CFAP74: variants seen among roughly 807,000 people sequenced by gnomAD.
CFAP74 encodes the protein cilia and flagella associated protein 74, also known as cilia- and flagella-associated protein 74.
Under a neutral mutation model 188.9 loss-of-function variants are expected in CFAP74, and 124 were observed. That is an observed-to-expected ratio of 0.66 (90% CI 0.57 to 0.76). The LOEUF is 0.76. CFAP74 is among the 30% of genes least tolerant of loss of function. CFAP74 has a pLI of 0.00. For missense variants in CFAP74, 2,198 were observed against 2,165.2 expected (o/e 1.02, Z -0.30); for synonymous variants, 956 against 916.7 (o/e 1.04, Z -0.77).
Position 1,923,055 on chromosome 1 carries a change from GT to G in CFAP74, c.4612del (p.Thr1538ArgfsTer30). ...TLDYIQFDTD[T>X]PAPPATRELQ... ...CTCTCGGGTGGCAGGTGGGGCTGGCGTGTCTGTGTCAAACTGGATGTAGTCC... is the reference window on the plus strand; with the variant it reads ...CTCTCGGGTGGCAGGTGGGGCTGGCGGTCTGTGTCAAACTGGATGTAGTCC... On this transcript the variant is annotated frameshift_variant, in exon 37 of 39. Coordinates refer to ENST00000682832, the MANE Select transcript of CFAP74 (RefSeq NM_001304360.2). LOFTEE classifies it high-confidence loss of function. This position sits in a 1 kb window ranked among gnomAD's most constrained non-coding sequence, Gnocchi z 6.3. 6.2e-7 allele frequency: 1 copy of G among 1,608,662 alleles called. No individual in the cohort carries two copies. The highest frequency in any genetic ancestry group is 8.5e-7 in the Non-Finnish European group (1 of 1,178,826).
Position 1,968,529 on chromosome 1 carries a change from A to T in CFAP74, c.1245+106T>A. The stretch of plus-strand genomic sequence containing the variant: ...GCTCAGCAACCCCCTGCAGGTGGCC[A>T]TGGTGCTGAGGTCCTCAGAGGATGT... On this transcript the variant is annotated intron_variant, in intron 11 of 38. Transcript: ENST00000682832. The surrounding 1 kb of genome is among the most constrained non-coding windows in gnomAD (Gnocchi z 4.3). 2 of 943,488 alleles carry T rather than the reference A, an allele frequency of 2.1e-6. No homozygotes were observed. Among genetic ancestry groups the T allele is most frequent in the South Asian group, 1.6e-5 (1 of 63,974 alleles). The allele number at this position is 943,488 out of a possible 1,614,324, so 58.4% of individuals were successfully genotyped here. A position where few individuals can be genotyped will look rare whatever the true frequency, so the allele number is the denominator to read the frequency against.
chr1:1,976,506 C>T (rs1205814479), intron 6 of CFAP74, among the ~76,000 whole-genome samples: 1 of 152,086 alleles, frequency 6.6e-6, no homozygotes, highest in Admixed American at 6.5e-5. Flanking sequence ...GTTCCCTGTA[C>T]AGCCTGCAGA....
At position 1,922,644 on chromosome 1, in the gene CFAP74, T is replaced by A. The variant is rs1651474368; in HGVS notation, c.4763A>T (p.Glu1588Val). The change falls in exon 38 of 39, where the codon GAG (glutamate) becomes GTG (valine). Residue 1588 changes from glutamate to valine, a missense_variant. By Grantham distance (121) the Glu-to-Val change is moderately radical. Transcript: ENST00000682832. ...GCTGATGGTCTTCGTCTGGCCGCGC[T>A]CCACGGAGCCCCTGGAGGGCTCAAT... ...FSIEPSRGSV[E>V]RGQTKTISIS... 2.5e-6 allele frequency: 4 copies of A among 1,604,266 alleles called. No individual in the cohort carries two copies. The highest frequency in any genetic ancestry group is 3.4e-6 in the Non-Finnish European group (4 of 1,174,890).
intron 5 of CFAP74, among the ~76,000 whole-genome samples, chr1:1,986,029 G>A (rs1300815370): frequency 6.6e-6 from 1 of 152,230 alleles, no homozygotes; most frequent in Non-Finnish European, 1.5e-5. Flanking sequence ...TTGAGCAGCT[G>A]GCCGGGTATG....
chr1:1,936,767 G>C (rs531029910), intron 25 of CFAP74, among the ~76,000 whole-genome samples: 94 of 152,048 alleles, frequency 6.2e-4, no homozygotes, highest in African/African-American at 2.2e-3. Context: ...AGCCAGGCAT[G>C]GTGGCGTGTT....
chr1:1,938,888 CTG>C lies in CFAP74; in HGVS notation c.2976_2977del (p.His992GlnfsTer9). On this transcript the variant is annotated frameshift_variant, in exon 25 of 39. Coordinates refer to ENST00000682832, the MANE Select transcript of CFAP74 (RefSeq NM_001304360.2). LOFTEE classifies it high-confidence loss of function. ...CTCAGACTTGCAGGTCAGTTGGAAT[CTG>C]TGTTCCTCGGCCTTGGTGGGCTGGA... 6.5e-7 allele frequency: 1 copy of C among 1,536,184 alleles called. No individual in the cohort carries two copies. The highest frequency in any genetic ancestry group is 1.7e-4 in the Middle Eastern group (1 of 5,990).
chr1:1,955,291 C>T (rs1472191669), intron 18 of CFAP74: 1 of 1,296,462 alleles, frequency 7.7e-7, no homozygotes, highest in Non-Finnish European at 1.0e-6. Context: ...AGGGCAGGGC[C>T]CGCCCGTTTC....
chr1:1,993,429 G>A (rs967893656), intron 1 of CFAP74, among the ~76,000 whole-genome samples: 1 of 151,434 alleles, frequency 6.6e-6, no homozygotes, highest in Non-Finnish European at 1.5e-5. Context: ...GGGACTACAG[G>A]CACGCACCAC....
chr1:1,987,208 C>T (rs1345878937), intron 4 of CFAP74, among the ~76,000 whole-genome samples, 173 bp from the exon 5 acceptor site: 1 of 152,240 alleles, frequency 6.6e-6, no homozygotes, highest in Non-Finnish European at 1.5e-5. Context: ...GTCTTGTCGT[C>T]CATTTTTGGA....
intron 20 of CFAP74, among the ~76,000 whole-genome samples, chr1:1,945,841 A>C (rs1653717121): frequency 7.6e-6 from 1 of 132,312 alleles, no homozygotes. Context: ...AAAAAAAAAA[A>C]AAAAGAACAA....
At chr1:1,933,313 G>T (rs889027825) in intron 25 of CFAP74, among the ~76,000 whole-genome samples, 2 of 151,782 alleles carry the variant, frequency 1.3e-5, no homozygotes, top group East Asian at 1.9e-4. Flanking sequence ...GAGAGTAGCT[G>T]GGATTACAGG....
chr1:1,981,391 C>G (rs1656834410), intron 6 of CFAP74, among the ~76,000 whole-genome samples: 1 of 151,380 alleles, frequency 6.6e-6, no homozygotes, highest in Non-Finnish European at 1.5e-5. Context: ...CGGGGGCTGG[C>G]ACAGCCAGCC....
In CFAP74 at chr1:1,991,945, C is replaced by T. The variant is rs191817059; in HGVS notation, c.-19-970G>A. Among the ~76,000 whole-genome samples the T allele has an allele frequency of 2.6e-5, 4 of 151,188 alleles. No homozygotes were observed. In the South Asian group the frequency reaches 6.2e-4, roughly 24 times the overall value. On this transcript the variant is annotated intron_variant, in intron 1 of 38. Transcript: ENST00000682832. Reference sequence around the variant, plus strand: ...GTCCCAGCTACTCGGGAGGCTGAGGCAGGAGAATGGTGTGAACCCAGGAGG... The same window carrying T: ...GTCCCAGCTACTCGGGAGGCTGAGGTAGGAGAATGGTGTGAACCCAGGAGG...
chr1:1,955,785 C>T lies in CFAP74; in HGVS notation c.2082G>A (p.Gln694=), dbSNP rs937887162. The T allele has an allele frequency of 6.2e-7, 1 of 1,614,148 alleles. No homozygotes were observed. Among genetic ancestry groups the T allele is most frequent in the Non-Finnish European group, 8.5e-7 (1 of 1,180,060 alleles). ...GGGAGGACTCCGTGCCCTCTAGCTG[C>T]TGCTCAGAGAAGCTGGTGGCGGCTT... is the stretch of plus-strand genomic sequence containing the variant. The part of the protein sequence containing the change: ...YDKAATSFSE[Q]QLEGTESSQA... Residue 694 remains glutamine (Q), a synonymous_variant, in exon 18 of 39, where the codon CAG becomes CAA. Coordinates refer to ENST00000682832, the MANE Select transcript of CFAP74 (RefSeq NM_001304360.2).
chr1:1,926,132 C>T, intron 32 of CFAP74, 96 bp downstream of exon 32: 5 of 1,443,522 alleles, frequency 3.5e-6, no homozygotes, highest in South Asian at 1.5e-5. Context: ...TAGTCCCAGG[C>T]CTGAGCACAG....
chr1:1,960,267 T>A (rs574714132), intron 14 of CFAP74, among the ~76,000 whole-genome samples: 1 of 152,248 alleles, frequency 6.6e-6, no homozygotes, highest in Non-Finnish European at 1.5e-5. Context: ...AGTGAGGGAG[T>A]TAATCACTGA....
intron 25 of CFAP74, among the ~76,000 whole-genome samples, chr1:1,938,182 A>T (rs12749959): frequency 3.3e-4 from 47 of 143,334 alleles, no homozygotes; most frequent in African/African-American, 1.1e-3. Context: ...CCCACATACA[A>T]GCACTCACAT....
chr1:1,963,672 G>A lies in CFAP74; in HGVS notation c.1694+77C>T, dbSNP rs150160515. On this transcript the variant is annotated intron_variant, in intron 14 of 38. Coordinates refer to ENST00000682832, the MANE Select transcript of CFAP74 (RefSeq NM_001304360.2). ...TGCCCATATAGAGCCTGTTCCAGCC[G>A]TTCTGAACATGAAGGGACCTATGAA... is the stretch of plus-strand genomic sequence containing the variant. The A allele has an allele frequency of 2.4e-4, 220 of 913,842 alleles. No individual in the cohort carries two copies. The African/African-American group carries it at 2.9e-3, about 12-fold the overall frequency. 56.6% of individuals were successfully genotyped at this position (913,842 alleles called of 1,614,324 possible).
rs1468586193 is a variant in CFAP74, at chr1:1,922,693, A to G, written c.4714T>C (p.Ser1572Pro). 1.2e-6 allele frequency: 2 copies of G among 1,600,506 alleles called. No individual in the cohort carries two copies. Among genetic ancestry groups the G allele is most frequent in the Admixed American group, 1.7e-5 (1 of 59,596 alleles). Residue 1572 changes from serine to proline, a missense_variant, in exon 38 of 39, where the codon TCC becomes CCC. Coordinates refer to ENST00000682832, the MANE Select transcript of CFAP74 (RefSeq NM_001304360.2). The stretch of plus-strand genomic sequence containing the variant: ...ATAGAGAAACCCTTGTGCTGCAGGG[A>G]TGCGACGCTGTCTATGCTGAACTCA... ...TVEFSIDSVA[S>P]LQHKGFSIEP... is the part of the protein sequence containing the mutation.
Sources: gnomAD v4.1 joint callset for allele counts (sites outside exome capture counted in the v4.1 genomes callset) on GRCh38, gnomAD v4.1.1 for gene constraint, Gnocchi (gnomAD v3.1) non-coding constraint, MANE v1.5 for transcripts, NCBI Gene and HGNC (gene_info 2026-07-23, HGNC 2026-07-21) for gene names.